BNIP5: variants seen among roughly 807,000 people sequenced by gnomAD.
BNIP5 encodes protein BNIP5.
A neutral mutation model predicts 67.3 loss-of-function variants in BNIP5; 61 were observed. The ratio of observed to expected loss-of-function variants is 0.91; its 90% confidence interval spans 0.74 to 1.12. BNIP5 has a LOEUF of 1.12. BNIP5 is among the 50% of genes most tolerant of loss of function. BNIP5 has a pLI of 0.00. For synonymous variants in BNIP5, 317 were observed against 319.0 expected, an observed-to-expected ratio of 0.99 and a Z score of 0.07; for missense variants, 826 against 816.3, an observed-to-expected ratio of 1.01 and a Z score of -0.14.
Position 36,317,232 on chromosome 6 carries a change from C to T in BNIP5, c.*124G>A. On this transcript the variant is annotated 3_prime_UTR_variant, in exon 12 of 12. Transcript: ENST00000437635. ...GGTATGGACACAGAATGATTGTCTGCTCTTGTCTTCCATCACGTTTGTGAA... is the reference window on the plus strand; with the variant it reads ...GGTATGGACACAGAATGATTGTCTGTTCTTGTCTTCCATCACGTTTGTGAA... 2 of 817,806 alleles carry T rather than the reference C, an allele frequency of 2.4e-6. No homozygotes were observed. Among genetic ancestry groups the T allele is most frequent in the Admixed American group, 1.7e-5 (1 of 58,162 alleles). The allele number at this position is 817,806 out of a possible 1,614,324, so 50.7% of individuals were successfully genotyped here.
At chr6:36,324,211 T>C (rs1397129651) in intron 6 of BNIP5, 21 bp from the exon 7 acceptor site, 2 of 1,601,186 alleles carry the variant, frequency 1.2e-6, no homozygotes, top group Non-Finnish European at 8.6e-7. Context: ...TCAACACGCA[T>C]GGTTAACTTT....
intron 5 of BNIP5, among the ~76,000 whole-genome samples, chr6:36,325,947 G>T (rs193296596): frequency 6.6e-6 from 1 of 152,318 alleles, no homozygotes; most frequent in East Asian, 1.9e-4. Context: ...TGAACACATT[G>T]TTTTACCTCC....
chr6:36,316,726 G>A lies in BNIP5; in HGVS notation c.*630C>T, dbSNP rs2127360603. The A allele has an allele frequency of 5.0e-6, 2 of 398,746 alleles. No homozygotes were observed. The highest frequency in any genetic ancestry group is 7.1e-5 in the East Asian group (2 of 28,076). The allele number at this position is 398,746 out of a possible 1,614,324, so 24.7% of individuals were successfully genotyped here. On this transcript the variant is annotated 3_prime_UTR_variant, in exon 12 of 12. Coordinates refer to ENST00000437635, the MANE Select transcript of BNIP5 (RefSeq NM_001010903.5). Reference sequence around the variant, plus strand: ...GAGATGGGAGAGGTGCAAGGTATCAGCTCCATTTCTCTAGTCATAGAATGA... The same window carrying A: ...GAGATGGGAGAGGTGCAAGGTATCAACTCCATTTCTCTAGTCATAGAATGA...
intron 3 of BNIP5, 151 bp downstream of exon 3, chr6:36,328,447 G>A (rs1335836817): frequency 3.6e-6 from 2 of 550,252 alleles, no homozygotes; most frequent in Non-Finnish European, 6.7e-6. Flanking sequence ...AAGCAAACGT[G>A]GCCAGAAGCA....
chr6:36,336,474 AG>A (rs1421385386), intron 1 of BNIP5, among the ~76,000 whole-genome samples: 1 of 152,132 alleles, frequency 6.6e-6, no homozygotes, highest in Non-Finnish European at 1.5e-5. Context: ...GTGAGCCCAG[AG>A]CCCTTTGAGA....
In BNIP5 at chr6:36,319,390, T is replaced by C. The variant is rs780371192; in HGVS notation, c.1889A>G (p.Asn630Ser). 5 of 1,614,094 alleles carry C rather than the reference T, an allele frequency of 3.1e-6. No individual in the cohort carries two copies. The Admixed American group carries it at 5.0e-5, about 16-fold the overall frequency. Residue 630 changes from asparagine to serine, a missense_variant, in exon 11 of 12, where the codon AAT becomes AGT. Physicochemically the swap from Asn to Ser is conservative, Grantham distance 46. Coordinates refer to ENST00000437635, the MANE Select transcript of BNIP5 (RefSeq NM_001010903.5). The part of the protein sequence containing the change: ...CILMGLRDHY[N>S]CTQFPYREDQ... ...CTCCCTGTATGGGAACTGGGTGCAA[T>C]TGTAGTGGTCTCTTAGGCCCATGAG...
At chr6:36,334,973 G>A (rs1430759861) in intron 1 of BNIP5, among the ~76,000 whole-genome samples, 1 of 152,148 alleles carries the variant, frequency 6.6e-6, no homozygotes, top group African/African-American at 2.4e-5. Context: ...TTATTGCCTT[G>A]GCCGAAAGTG....
At position 36,322,373 on chromosome 6, in the gene BNIP5, G is replaced by A; in HGVS notation, c.1541C>T (p.Pro514Leu). Reference sequence around the variant, plus strand: ...TGGCGTGTGGCCTCTAGCCTGGGAGGGTGCTTCTGAGATCACAACTGGCTC... The same window carrying A: ...TGGCGTGTGGCCTCTAGCCTGGGAGAGTGCTTCTGAGATCACAACTGGCTC... ...EGEPVVISEAPSQARGHTPEG... is the reference protein window; with the variant it reads ...EGEPVVISEALSQARGHTPEG... Residue 514 changes from proline (P) to leucine (L), a missense_variant, in exon 9 of 12, where the codon CCC (proline) becomes CTC (leucine). Pro to Leu is a moderately conservative substitution (Grantham distance 98). Coordinates refer to ENST00000437635, the MANE Select transcript of BNIP5 (RefSeq NM_001010903.5). 6.2e-7 allele frequency: 1 copy of A among 1,614,100 alleles called. No individual in the cohort carries two copies. The highest frequency in any genetic ancestry group is 1.7e-5 in the Admixed American group (1 of 60,024).
intron 2 of BNIP5, among the ~76,000 whole-genome samples, chr6:36,329,813 A>G (rs1292083901): frequency 6.6e-6 from 1 of 151,884 alleles, no homozygotes; most frequent in African/African-American, 2.4e-5. Context: ...TCTCAAAAAG[A>G]AAAAAGAAAG....
At chr6:36,332,703 A>ATG (rs1561887715) in intron 1 of BNIP5, among the ~76,000 whole-genome samples, 1 of 151,330 alleles carries the variant, frequency 6.6e-6, no homozygotes, top group African/African-American at 2.4e-5. Context: ...AAAAATGACA[A>ATG]AAAAAAAACC....
intron 4 of BNIP5, 65 bp downstream of exon 4, chr6:36,326,965 G>A: frequency 1.3e-6 from 2 of 1,491,372 alleles, no homozygotes; most frequent in Admixed American, 1.7e-5. Context: ...GACAGGTGGA[G>A]CTTGGCAGAG....
Position 36,336,738 on chromosome 6 carries a change from C to T in BNIP5, c.-31G>A, listed in dbSNP as rs527441816. 6.6e-6 allele frequency: 1 copy of T among 152,356 alleles called. No individual in the cohort carries two copies. The highest frequency in any genetic ancestry group is 1.5e-5 in the Non-Finnish European group (1 of 68,070). The allele number at this position is 152,356 out of a possible 1,614,324, so 9.4% of individuals were successfully genotyped here. A position where few individuals can be genotyped will look rare whatever the true frequency, so the allele number is the denominator to read the frequency against. ...TTGGACCACAGAAATCGCTTCTGTC[C>T]TGAACACCCTGGGCTGGGATCTTCA... is the stretch of plus-strand genomic sequence containing the variant. On this transcript the variant is annotated 5_prime_UTR_variant, in exon 1 of 12. Coordinates refer to ENST00000437635, the MANE Select transcript of BNIP5 (RefSeq NM_001010903.5).
chr6:36,322,209 C>A, intron 9 of BNIP5, 102 bp downstream of exon 9: 1 of 1,463,544 alleles, frequency 6.8e-7, no homozygotes, highest in Non-Finnish European at 9.5e-7. Flanking sequence ...CTGCTGCCTT[C>A]CCCATTCCTT....
chr6:36,332,107 A>AT (rs1328388185), intron 1 of BNIP5, among the ~76,000 whole-genome samples: 1 of 151,520 alleles, frequency 6.6e-6, no homozygotes. Context: ...CGGCTGTCAC[A>AT]CCCCACACGT....
Position 36,322,458 on chromosome 6 carries a change from A to G in BNIP5, c.1472-16T>C. On this transcript the variant is annotated splice_polypyrimidine_tract_variant and intron_variant, in intron 8 of 11. Transcript: ENST00000437635. ...TCTTCTGGATCTAGGGCAAAAAAAG[A>G]GTTGTTGAGTGTTTTGCAGAGAGCT... 1.9e-6 allele frequency: 3 copies of G among 1,609,382 alleles called. No individual in the cohort carries two copies. The highest frequency in any genetic ancestry group is 2.5e-6 in the Non-Finnish European group (3 of 1,177,966).
At chr6:36,329,912 G>A (rs1213974313) in intron 2 of BNIP5, among the ~76,000 whole-genome samples, 169 bp downstream of exon 2, 1 of 150,918 alleles carries the variant, frequency 6.6e-6, no homozygotes, top group Non-Finnish European at 1.5e-5. Flanking sequence ...AAGGAAGGAA[G>A]GAAAGAAGGA....
At chr6:36,327,129 T>C (rs1031713199) in intron 3 of BNIP5, 35 bp from the exon 4 acceptor site, 5 of 1,574,818 alleles carry the variant, frequency 3.2e-6, no homozygotes, top group Non-Finnish European at 4.4e-6. Flanking sequence ...TTATTCTTTC[T>C]AAATGCACTG....
chr6:36,322,328 C>T lies in BNIP5; in HGVS notation c.1586G>A (p.Ser529Asn), dbSNP rs1771654151. 1 of 1,614,200 alleles carries T rather than the reference C, an allele frequency of 6.2e-7. No individual in the cohort carries two copies. The highest frequency in any genetic ancestry group is 8.5e-7 in the Non-Finnish European group (1 of 1,180,022). ...GHTPEGAPQL[S>N]GACESKEIII... ...TTACTGACTAGATTCACATGCTCCA[C>T]TCAGCTGAGGTGCCCCTTCTGGCGT... Residue 529 changes from serine to asparagine, a missense_variant, in exon 9 of 12, where the codon AGT becomes AAT. Physicochemically the swap from Ser to Asn is conservative, Grantham distance 46. Transcript: ENST00000437635.
chr6:36,332,371 T>C (rs1007195782), intron 1 of BNIP5, among the ~76,000 whole-genome samples: 1 of 151,666 alleles, frequency 6.6e-6, no homozygotes, highest in Admixed American at 6.6e-5. Flanking sequence ...CCCTTTCCCC[T>C]CCTACCCTAC....
Sources: gnomAD v4.1 joint callset for allele counts (sites outside exome capture counted in the v4.1 genomes callset) on GRCh38, gnomAD v4.1.1 for gene constraint, MANE v1.5 for transcripts, NCBI Gene and HGNC (gene_info 2026-07-23, HGNC 2026-07-21) for gene names.